The following PAX5 variants were observed in gnomAD, a reference collection of about 807,000 sequenced individuals.
The protein encoded by PAX5 is paired box protein Pax-5.
Under a neutral mutation model 43.7 loss-of-function variants are expected in PAX5, and 9 were observed. The observed-to-expected ratio is 0.21, with a 90% CI of 0.12 to 0.36. The LOEUF is 0.36. PAX5 is among the 10% of genes least tolerant of loss of function. The pLI is 1.00. For synonymous variants in PAX5, 228 were observed against 214.3 expected (o/e 1.06, Z -0.56); for missense variants, 383 against 532.7 (o/e 0.72, Z 2.77).
At position 37,023,657 on chromosome 9, in the gene PAX5, C is replaced by T. The variant is rs1261698031; in HGVS notation, c.47-2856G>A. ...CTCAGGCCCTGATAAGGTCATGCTA[C>T]CCACCACAGGCCCTCCCAATACCCC... is the stretch of plus-strand genomic sequence containing the variant. On this transcript the variant is annotated intron_variant, in intron 1 of 9. Coordinates refer to ENST00000358127, the MANE Select transcript of PAX5 (RefSeq NM_016734.3). Among the ~76,000 whole-genome samples the T allele has an allele frequency of 3.9e-5, 6 of 152,142 alleles. No individual in the cohort carries two copies. In the East Asian group the frequency reaches 9.6e-4, roughly 24 times the overall value.
At chr9:36,894,490 G>A (rs1031329478) in intron 7 of PAX5, among the ~76,000 whole-genome samples, 4 of 152,210 alleles carry the variant, frequency 2.6e-5, no homozygotes, top group African/African-American at 9.6e-5. Flanking sequence ...TGGGATGGTA[G>A]GCAGTGTGCG....
At chr9:37,016,379 A>G (rs1025092338) in intron 2 of PAX5, among the ~76,000 whole-genome samples, 1 of 152,244 alleles carries the variant, frequency 6.6e-6, no homozygotes, top group African/African-American at 2.4e-5. Flanking sequence ...TCAAAACTCA[A>G]GCAATCGGAA....
Position 36,892,319 on chromosome 9 carries a change from T to C in PAX5, c.911-10214A>G, listed in dbSNP as rs1053357799. Reference sequence around the variant, plus strand: ...TTATCTGACACTAAGTTCTAAACACTGTCCTGAGTGCTCTAAAGGATGCAA... The same window carrying C: ...TTATCTGACACTAAGTTCTAAACACCGTCCTGAGTGCTCTAAAGGATGCAA... On this transcript the variant is annotated intron_variant, in intron 7 of 9. Transcript: ENST00000358127. 7.2e-5 allele frequency among the ~76,000 whole-genome samples: 11 copies of C among 152,320 alleles called. No homozygotes were observed. In the South Asian group the frequency reaches 2.1e-3, roughly 29 times the overall value.
chr9:36,868,438 G>A (rs1413102163), intron 8 of PAX5, among the ~76,000 whole-genome samples: 6 of 152,174 alleles, frequency 3.9e-5, no homozygotes, highest in African/African-American at 9.7e-5. Context: ...GGCAGTGCCC[G>A]GGGGGTGCAC....
At chr9:36,885,515 G>C (rs1826837638) in intron 7 of PAX5, among the ~76,000 whole-genome samples, 2 of 152,222 alleles carry the variant, frequency 1.3e-5, no homozygotes, top group African/African-American at 2.4e-5. Context: ...AGCCCTATTA[G>C]AGAGCTACTA....
intron 5 of PAX5, among the ~76,000 whole-genome samples, chr9:36,981,902 G>A (rs138094340): frequency 1.4e-3 from 206 of 152,376 alleles, no homozygotes; most frequent in Non-Finnish European, 2.1e-3. Context: ...TGTCTGCACA[G>A]TGAGCACCTC....
At chr9:36,883,690 T>C (rs1347705008) in intron 7 of PAX5, among the ~76,000 whole-genome samples, 1 of 151,306 alleles carries the variant, frequency 6.6e-6, no homozygotes, top group African/African-American at 2.4e-5. Context: ...AAGAAAAGAA[T>C]GAATTAGGAA....
rs368036487 is a variant in PAX5 at position 37,034,088 on chromosome 9, C to CTT, written c.-59_-58dup. The CTT allele has an allele frequency of 5.7e-4, 255 of 448,048 alleles. No homozygotes were observed. Among genetic ancestry groups the CTT allele is most frequent in the South Asian group, 1.6e-3 (46 of 29,006 alleles). 27.8% of individuals were successfully genotyped at this position (448,048 alleles called of 1,614,324 possible). A position where few individuals can be genotyped will look rare whatever the true frequency, so the allele number is the denominator to read the frequency against. On this transcript the variant is annotated 5_prime_UTR_variant, in exon 1 of 10. Transcript: ENST00000358127. ...GGGAAAAGTTTCCACTTTTTTGTGC[C>CTT]TTTTTTTTTCTTTTTTTTTTTTTTT...
Position 36,923,408 on chromosome 9 carries a change from G to A in PAX5, c.857C>T (p.Pro286Leu), listed in dbSNP as rs587778590. ...DMKANLASPTPADIGSSVPGP... is the reference protein window; with the variant it reads ...DMKANLASPTLADIGSSVPGP... ...TGGCACACTGCTCCCGATGTCAGCA[G>A]GGGTGGGGCTGGCCAGATTGGCCTT... The change falls in exon 7 of 10, where the codon CCT (proline) becomes CTT (leucine). Residue 286 changes from proline to leucine, a missense_variant. Around this residue, in one of 5 missense-constraint regions of PAX5, gnomAD observed 291 missense variants for 342.5 expected, o/e 0.85. Coordinates refer to ENST00000358127, the MANE Select transcript of PAX5 (RefSeq NM_016734.3). The A allele has an allele frequency of 6.2e-7, 1 of 1,613,358 alleles. No individual in the cohort carries two copies. Among genetic ancestry groups the A allele is most frequent in the South Asian group, 1.1e-5 (1 of 91,068 alleles).
chr9:36,864,633 G>A (rs1009395609), intron 8 of PAX5, among the ~76,000 whole-genome samples: 40 of 152,330 alleles, frequency 2.6e-4, no homozygotes, highest in South Asian at 4.1e-4. Flanking sequence ...GGGCCTGAGC[G>A]TGGGCCAGCC....
intron 7 of PAX5, among the ~76,000 whole-genome samples, chr9:36,911,881 G>A (rs1327601570): frequency 1.3e-5 from 2 of 152,208 alleles, no homozygotes; most frequent in Non-Finnish European, 2.9e-5. Flanking sequence ...ACCAGCCTGG[G>A]CTCCCCAGCC....
chr9:37,023,024 G>T (rs1839986709), intron 1 of PAX5, among the ~76,000 whole-genome samples: 1 of 152,156 alleles, frequency 6.6e-6, no homozygotes, highest in Admixed American at 6.5e-5. Flanking sequence ...TTGGTAAGAA[G>T]TGAAGTCCAA....
At chr9:36,995,483 G>C (rs1017136341) in intron 5 of PAX5, among the ~76,000 whole-genome samples, 8 of 152,214 alleles carry the variant, frequency 5.3e-5, no homozygotes, top group Admixed American at 3.3e-4. Context: ...GGACGTGTGG[G>C]CAGCACCCCA....
At chr9:36,898,060 G>A (rs1828023355) in intron 7 of PAX5, among the ~76,000 whole-genome samples, 1 of 152,212 alleles carries the variant, frequency 6.6e-6, no homozygotes, top group South Asian at 2.1e-4. Flanking sequence ...TGGGAACCAT[G>A]CCCCTTGCTC....
chr9:36,935,447 T>C (rs1831472122), intron 6 of PAX5, among the ~76,000 whole-genome samples: 1 of 152,022 alleles, frequency 6.6e-6, no homozygotes, highest in Non-Finnish European at 1.5e-5. Context: ...AAGAGATCTA[T>C]ACAGTTTCAG....
At chr9:36,876,520 G>T (rs1448396193) in intron 8 of PAX5, among the ~76,000 whole-genome samples, 1 of 152,168 alleles carries the variant, frequency 6.6e-6, no homozygotes, top group Non-Finnish European at 1.5e-5. Context: ...GAATTTGTCA[G>T]AATTTCAAAT....
At chr9:36,901,449 C>T (rs544207056) in intron 7 of PAX5, among the ~76,000 whole-genome samples, 1 of 152,252 alleles carries the variant, frequency 6.6e-6, no homozygotes, top group South Asian at 2.1e-4. Context: ...TATCATTTCA[C>T]CTTTTAAAAA....
intron 7 of PAX5, among the ~76,000 whole-genome samples, chr9:36,919,108 T>C (rs1829939954): frequency 6.6e-6 from 1 of 152,202 alleles, no homozygotes; most frequent in Non-Finnish European, 1.5e-5. Context: ...TCCTATATCA[T>C]TCCAAAAATT....
intron 8 of PAX5, among the ~76,000 whole-genome samples, chr9:36,878,028 CG>C (rs1287098879): frequency 5.3e-5 from 8 of 152,262 alleles, no homozygotes; most frequent in South Asian, 2.1e-4. Context: ...CAGGGAATGC[CG>C]GGAACGAACC....
Sources: gnomAD v4.1 joint callset for allele counts (sites outside exome capture counted in the v4.1 genomes callset) on GRCh38, gnomAD v4.1.1 for gene constraint, gnomAD v4.1.1 regional missense constraint, MANE v1.5 for transcripts, NCBI Gene and HGNC (gene_info 2026-07-23, HGNC 2026-07-21) for gene names.